Variants in DLC1 observed in about 807,000 individuals in gnomAD.
DLC1 encodes DLC1 Rho GTPase activating protein.
DLC1 carries 54 observed loss-of-function variants against 140.3 expected under a neutral mutation model. The observed-to-expected ratio is 0.38, with a 90% CI of 0.31 to 0.48. The LOEUF (loss-of-function observed/expected upper bound fraction) is 0.48. Ranked by LOEUF, DLC1 falls within the 20% of genes least tolerant of loss-of-function variation. The pLI, the probability that DLC1 is intolerant of heterozygous loss-of-function variation, is 0.96. For synonymous variants in DLC1, 986 were observed against 728.1 expected (o/e 1.35, Z -5.70); for missense variants, 2,536 against 1,907.0 (o/e 1.33, Z -6.14).
At chr8:13,558,539 T>C (rs1228657822) in intron 1 of DLC1, 1 of 152,220 alleles carries the variant, frequency 6.6e-6, no homozygotes. Flanking sequence ...GAAGCCTATA[T>C]TTCATAGATT....
chr8:13,601,165 G>A (rs540730702), intron 1 of DLC1, among the ~76,000 whole-genome samples: 3 of 151,734 alleles, frequency 2.0e-5, no homozygotes, highest in East Asian at 1.9e-4. Context: ...CTCAGTCTGC[G>A]GTGTCAAGGA....
chr8:13,562,220 A>G (rs757251277), intron 1 of DLC1, among the ~76,000 whole-genome samples: 5 of 152,192 alleles, frequency 3.3e-5, no homozygotes, highest in Non-Finnish European at 5.9e-5. Flanking sequence ...TAGGAAAAAG[A>G]TTGATACATT....
In DLC1 at chr8:13,085,766, G is replaced by A; in HGVS notation, c.*45C>T. On this transcript the variant is annotated 3_prime_UTR_variant, in exon 18 of 18. Transcript: ENST00000276297. The stretch of plus-strand genomic sequence containing the variant: ...TCTTCAAGGACTGGCAAAAGTTCTA[G>A]AAACAAACACCATGGTGGTGGAAGC... The A allele has an allele frequency of 6.2e-7, 1 of 1,611,558 alleles. No individual in the cohort carries two copies. The highest frequency in any genetic ancestry group is 1.3e-5 in the African/African-American group (1 of 74,948).
At chr8:13,570,542 G>C (rs1017493227) in intron 1 of DLC1, among the ~76,000 whole-genome samples, 2 of 142,290 alleles carry the variant, frequency 1.4e-5, no homozygotes, top group South Asian at 2.3e-4. Context: ...GAGAATATGC[G>C]GTGTTTGGTT....
intron 2 of DLC1, among the ~76,000 whole-genome samples, chr8:13,457,178 C>A (rs1799429350): frequency 6.6e-6 from 1 of 152,132 alleles, no homozygotes; most frequent in African/African-American, 2.4e-5. Flanking sequence ...CTATACCGTG[C>A]TCACAATGAG....
intron 5 of DLC1, among the ~76,000 whole-genome samples, chr8:13,286,244 T>A (rs1283894188): frequency 6.6e-6 from 1 of 152,124 alleles, no homozygotes; most frequent in Non-Finnish European, 1.5e-5. Flanking sequence ...AAATTAGATG[T>A]ATGACTTCAC....
intron 2 of DLC1, among the ~76,000 whole-genome samples, chr8:13,450,166 C>G (rs1358893824): frequency 1.3e-5 from 2 of 150,798 alleles, no homozygotes; most frequent in African/African-American, 4.9e-5. Flanking sequence ...TTTAAAGAAC[C>G]AAGGAGAGGC....
chr8:13,540,190 A>G (rs12547480), intron 1 of DLC1, among the ~76,000 whole-genome samples: 10,716 of 152,286 alleles, frequency 0.07, 603 homozygotes, highest in Admixed American at 0.18. Context: ...CACAGGTATC[A>G]GAAATAAGTC....
intron 2 of DLC1, among the ~76,000 whole-genome samples, chr8:13,469,408 C>A (rs7008646): frequency 0.34 from 52,176 of 151,956 alleles, 9,329 homozygotes; most frequent in Middle Eastern, 0.47. Context: ...AGCTCTGAGT[C>A]ATAGCTGTAA....
intron 4 of DLC1, chr8:13,342,587 T>C (rs1834114290): frequency 6.6e-6 from 1 of 152,262 alleles, no homozygotes; most frequent in Admixed American, 6.5e-5. Context: ...GAAGGAATTC[T>C]GCCCTAAGAC....
At chr8:13,329,872 C>A (rs1289346108) in intron 4 of DLC1, among the ~76,000 whole-genome samples, 1 of 135,690 alleles carries the variant, frequency 7.4e-6, no homozygotes, top group Non-Finnish European at 1.7e-5. Flanking sequence ...GATATATACA[C>A]AAGTGTACAA....
At chr8:13,383,192 G>A (rs947206764) in intron 4 of DLC1, among the ~76,000 whole-genome samples, 2 of 152,208 alleles carry the variant, frequency 1.3e-5, no homozygotes, top group African/African-American at 4.8e-5. Flanking sequence ...ACCCCAGGAA[G>A]CGGTATGAAT....
chr8:13,159,178 A>C (rs2128983316), intron 5 of DLC1, among the ~76,000 whole-genome samples: 1 of 152,270 alleles, frequency 6.6e-6, no homozygotes, highest in Non-Finnish European at 1.5e-5. Flanking sequence ...GTACGGTGGC[A>C]GGAGCCCAAG....
chr8:13,085,856 G>A lies in DLC1; in HGVS notation c.4542C>T (p.Ser1514=), dbSNP rs144090028. The A allele has an allele frequency of 7.2e-5, 117 of 1,614,154 alleles. No homozygotes were observed. In the African/African-American group the frequency reaches 1.5e-3, roughly 20 times the overall value. Reference sequence around the variant, plus strand: ...TGGTTTCAGTGTTCTGGTTACTGAAGGAATCCCGGATCTTTACAACTTCAG... The same window carrying A: ...TGGTTTCAGTGTTCTGGTTACTGAAAGAATCCCGGATCTTTACAACTTCAG... ...CAAEVVKIRD[S]FSNQNTETKD... Residue 1514 remains serine (S), a synonymous_variant, in exon 18 of 18, where the codon TCC becomes TCT. Transcript: ENST00000276297.
At chr8:13,179,727 A>C (rs1416888606) in intron 5 of DLC1, among the ~76,000 whole-genome samples, 1 of 152,150 alleles carries the variant, frequency 6.6e-6, no homozygotes, top group Non-Finnish European at 1.5e-5. Flanking sequence ...TCTCAAAAAA[A>C]CAAAAACACA....
chr8:13,504,620 C>T (rs1018110612), intron 1 of DLC1, among the ~76,000 whole-genome samples: 4 of 151,906 alleles, frequency 2.6e-5, no homozygotes, highest in African/African-American at 9.7e-5. Flanking sequence ...TAAATGTAAT[C>T]GGAGAAAGAG....
At chr8:13,483,213 T>C (rs956781324) in intron 2 of DLC1, among the ~76,000 whole-genome samples, 6 of 152,180 alleles carry the variant, frequency 3.9e-5, no homozygotes, top group Non-Finnish European at 5.9e-5. Context: ...GTAAGGACGC[T>C]TGTCATTAGA....
At chr8:13,498,577 A>G (rs1056551141) in intron 2 of DLC1, among the ~76,000 whole-genome samples, 15 of 152,140 alleles carry the variant, frequency 9.9e-5, no homozygotes, top group Non-Finnish European at 5.9e-5. Context: ...TGTATATGTG[A>G]GGGGATTATT....
At chr8:13,298,417 C>T (rs764435468) in intron 5 of DLC1, among the ~76,000 whole-genome samples, 9 of 152,122 alleles carry the variant, frequency 5.9e-5, no homozygotes, top group Non-Finnish European at 4.4e-5. Flanking sequence ...GCTTTAGAAT[C>T]GTGTTAACTC....
Sources: allele counts gnomAD v4.1 joint callset (sites outside exome capture counted in the v4.1 genomes callset), GRCh38; gene constraint gnomAD v4.1.1; transcripts MANE v1.5; gene names NCBI Gene and HGNC (gene_info 2026-07-23, HGNC 2026-07-21).